Variants in IL4R observed in about 807,000 individuals in gnomAD.
IL4R encodes the protein interleukin-4 receptor subunit alpha.
Under a neutral mutation model 41.5 loss-of-function variants are expected in IL4R, and 17 were observed. That is an observed-to-expected ratio of 0.41 (90% CI 0.28 to 0.61). IL4R has a LOEUF of 0.61. Among genes scored for constraint, IL4R ranks in the 20% least tolerant of loss-of-function variants. The pLI is 0.31. For missense variants in IL4R, 974 were observed against 1,043.1 expected (o/e 0.93, Z 0.91); for synonymous variants, 402 against 422.9 (o/e 0.95, Z 0.61).
chr16:27,360,271 C>T (rs2086236450), intron 9 of IL4R, among the ~76,000 whole-genome samples: 1 of 152,360 alleles, frequency 6.6e-6, no homozygotes, highest in East Asian at 1.9e-4. Context: ...ACTTCAGCCT[C>T]CCAAAGTGCT....
At chr16:27,340,113 G>T in intron 2 of IL4R, 73 bp from the exon 3 acceptor site, 1 of 905,946 alleles carries the variant, frequency 1.1e-6, no homozygotes, top group Non-Finnish European at 1.8e-6. Flanking sequence ...GGCAGGGGAG[G>T]GTTGCATATT....
chr16:27,320,842 G>A (rs957011773), intron 1 of IL4R, among the ~76,000 whole-genome samples: 3 of 152,172 alleles, frequency 2.0e-5, no homozygotes, highest in African/African-American at 7.2e-5. Flanking sequence ...CCTCCCGACG[G>A]TCTTGCCTCT....
intron 1 of IL4R, among the ~76,000 whole-genome samples, chr16:27,325,761 C>G (rs1024452769): frequency 2.0e-5 from 3 of 152,034 alleles, no homozygotes; most frequent in Non-Finnish European, 4.4e-5. Context: ...GGCCCCTCCC[C>G]GAGAGAACTC....
At chr16:27,348,183 T>C (rs2085726344) in intron 6 of IL4R, among the ~76,000 whole-genome samples, 1 of 152,212 alleles carries the variant, frequency 6.6e-6, no homozygotes, top group African/African-American at 2.4e-5. Flanking sequence ...GTTTCCCCTT[T>C]GGCACTGGGC....
At chr16:27,358,657 C>T (rs548164158) in intron 8 of IL4R, among the ~76,000 whole-genome samples, 20 of 152,302 alleles carry the variant, frequency 1.3e-4, no homozygotes, top group African/African-American at 2.4e-4. Flanking sequence ...TAACAGAATG[C>T]GGGAGTGTGA....
At chr16:27,359,927 C>T (rs3024661) in intron 9 of IL4R, 3,174 of 177,636 alleles carry the variant, frequency 0.018, 98 homozygotes, top group African/African-American at 0.11. Flanking sequence ...GTGAGGGTGG[C>T]GGGGGAGGCT....
chr16:27,327,127 G>C (rs2084977450), intron 1 of IL4R, among the ~76,000 whole-genome samples: 1 of 152,146 alleles, frequency 6.6e-6, no homozygotes, highest in Non-Finnish European at 1.5e-5. Flanking sequence ...GGGGTCAGCG[G>C]CTCCAAAGCC....
At chr16:27,333,191 G>A (rs1348564435) in intron 2 of IL4R, among the ~76,000 whole-genome samples, 1 of 150,562 alleles carries the variant, frequency 6.6e-6, no homozygotes, top group Non-Finnish European at 1.5e-5. Flanking sequence ...ATATGACCTC[G>A]GGTGACTCTT....
At chr16:27,333,653 G>A (rs907593179) in intron 2 of IL4R, among the ~76,000 whole-genome samples, 33 of 152,186 alleles carry the variant, frequency 2.2e-4, no homozygotes, top group African/African-American at 7.5e-4. Flanking sequence ...TAAGTGCTGG[G>A]CAAGCAGGGA....
chr16:27,340,148 C>T, intron 2 of IL4R, 38 bp from the exon 3 acceptor site: 2 of 1,392,192 alleles, frequency 1.4e-6, no homozygotes, highest in South Asian at 2.4e-5. Flanking sequence ...CTGCTGGAAG[C>T]ACAGGTCAGC....
intron 8 of IL4R, 128 bp from the exon 9 acceptor site, chr16:27,358,788 G>T: frequency 1.5e-6 from 1 of 684,122 alleles, no homozygotes; most frequent in African/African-American, 1.8e-5. Context: ...TCAGTGGTTT[G>T]ACCTCCAGAA....
chr16:27,362,643 T>C lies in IL4R; in HGVS notation c.1291T>C (p.Cys431Arg), dbSNP rs1805012. 171,394 of 1,613,770 alleles carry C rather than the reference T, an allele frequency of 0.11. 9,531 individuals are homozygous for C. The highest frequency in any genetic ancestry group is 0.12 in the Admixed American group (7,119 of 60,002). ...GFCQQDMGES[C>R]LLPPSGSTSA... ...TTGCCAGCAGGACATGGGGGAGTCA[T>C]GCCTTCTTCCACCTTCGGGAAGTAC... The change falls in exon 11 of 11, where the codon TGC (cysteine) becomes CGC (arginine). Residue 431 changes from cysteine (C) to arginine (R), a missense_variant. This residue lies in a region of IL4R where 682 missense variants were observed against 704.3 expected (regional missense o/e 0.97). Coordinates refer to ENST00000395762, the MANE Select transcript of IL4R (RefSeq NM_000418.4).
At chr16:27,356,577 A>AG (rs2086088047) in intron 8 of IL4R, among the ~76,000 whole-genome samples, 1 of 152,006 alleles carries the variant, frequency 6.6e-6, no homozygotes, top group Non-Finnish European at 1.5e-5. Context: ...GGAAAATTTG[A>AG]GGGGGGCCCT....
At chr16:27,340,311 T>C (rs1192860413) in intron 3 of IL4R, 38 bp downstream of exon 3, 1 of 1,528,054 alleles carries the variant, frequency 6.5e-7, no homozygotes, top group African/African-American at 1.4e-5. Flanking sequence ...TTGTTGGCTA[T>C]TAATGGCGTG....
At chr16:27,322,134 C>T (rs1028818666) in intron 1 of IL4R, among the ~76,000 whole-genome samples, 1 of 150,730 alleles carries the variant, frequency 6.6e-6, no homozygotes, top group African/African-American at 2.4e-5. Flanking sequence ...TTACCTCCCA[C>T]CGTAATACAA....
chr16:27,352,837 C>T (rs3024610), intron 7 of IL4R, 141 bp downstream of exon 7: 369,172 of 792,136 alleles, frequency 0.47, 90,103 homozygotes, highest in Non-Finnish European at 0.5. Context: ...ATACACCTGC[C>T]GTGGTGTATC....
intron 1 of IL4R, among the ~76,000 whole-genome samples, chr16:27,327,125 C>T (rs149080711): frequency 0.013 from 1,987 of 152,216 alleles, 44 homozygotes; most frequent in African/African-American, 0.041. Context: ...CAGGGGTCAG[C>T]GGCTCCAAAG....
At chr16:27,342,461 C>T (rs1486458044) in intron 4 of IL4R, among the ~76,000 whole-genome samples, 1 of 152,004 alleles carries the variant, frequency 6.6e-6, no homozygotes, top group Non-Finnish European at 1.5e-5. Context: ...AGTGTTGGTC[C>T]ACGTGGCACA....
At position 27,364,011 on chromosome 16, in the gene IL4R, C is replaced by T. The variant is rs1052072976; in HGVS notation, c.*181C>T. ...ACACTGGGCTGCAGAGACTGGACCCCGCCCAGCATTGGGCTGGGCTCGCCA... is the reference window on the plus strand; with the variant it reads ...ACACTGGGCTGCAGAGACTGGACCCTGCCCAGCATTGGGCTGGGCTCGCCA... On this transcript the variant is annotated 3_prime_UTR_variant, in exon 11 of 11. Transcript: ENST00000395762. 1.6e-5 allele frequency: 11 copies of T among 689,504 alleles called. No individual in the cohort carries two copies. Among genetic ancestry groups the T allele is most frequent in the African/African-American group, 1.1e-4 (6 of 55,428 alleles). The allele number at this position is 689,504 out of a possible 1,614,324, so 42.7% of individuals were successfully genotyped here. A position where few individuals can be genotyped will look rare whatever the true frequency, so the allele number is the denominator to read the frequency against.
Sources: allele counts gnomAD v4.1 joint callset (sites outside exome capture counted in the v4.1 genomes callset), GRCh38; gene constraint gnomAD v4.1.1; regional missense constraint gnomAD v4.1.1; transcripts MANE v1.5; gene names NCBI Gene and HGNC (gene_info 2026-07-23, HGNC 2026-07-21).